Variants in MTIF2 observed in about 807,000 individuals in gnomAD.
The protein encoded by MTIF2 is translation initiation factor IF-2, mitochondrial.
In MTIF2, 71 loss-of-function variants were observed where a neutral mutation model predicts 83.5. The observed-to-expected ratio is 0.85, with a 90% CI of 0.70 to 1.04. MTIF2 has a LOEUF of 1.04. MTIF2 is among the 50% of genes least tolerant of loss of function. The probability of loss-of-function intolerance (pLI) is 0.00; values close to 1 mark genes in which losing one functional copy is unlikely to be tolerated. For synonymous variants in MTIF2, 319 were observed against 287.1 expected, an observed-to-expected ratio of 1.11 and a Z score of -1.12; for missense variants, 957 against 846.5, an observed-to-expected ratio of 1.13 and a Z score of -1.62.
chr2:55,263,558 TGA>T, intron 4 of MTIF2, 80 bp downstream of exon 4: 1 of 1,083,136 alleles, frequency 9.2e-7, no homozygotes, highest in Non-Finnish European at 1.3e-6. Context: ...TGCGGTGAGC[TGA>T]GATCGCGCCA....
intron 5 of MTIF2, among the ~76,000 whole-genome samples, chr2:55,255,946 G>A (rs773612760): frequency 4.0e-5 from 6 of 151,736 alleles, no homozygotes; most frequent in East Asian, 3.9e-4. Context: ...GGGCAATCTC[G>A]GCTAGCTGCA....
chr2:55,247,983 C>A (rs1328801112), intron 9 of MTIF2, among the ~76,000 whole-genome samples: 1 of 152,128 alleles, frequency 6.6e-6, no homozygotes, highest in South Asian at 2.1e-4. Flanking sequence ...CTCTGCCTCC[C>A]TGGCTCAAGT....
intron 10 of MTIF2, among the ~76,000 whole-genome samples, chr2:55,245,731 AG>A (rs1676647384): frequency 7.0e-6 from 1 of 142,786 alleles, no homozygotes; most frequent in South Asian, 2.3e-4. Context: ...ATGGGATGTT[AG>A]GTGTTTCTTA....
chr2:55,236,794 T>C lies in MTIF2; in HGVS notation c.2038A>G (p.Lys680Glu), dbSNP rs776497065. 1.2e-6 allele frequency: 2 copies of C among 1,606,604 alleles called. No homozygotes were observed. The highest frequency in any genetic ancestry group is 2.2e-5 in the South Asian group (2 of 89,038). Residue 680 changes from lysine (K) to glutamate (E), a missense_variant, in exon 16 of 16, where the codon AAA (lysine) becomes GAA (glutamate). By Grantham distance (56) the Lys-to-Glu change is moderately conservative. Coordinates refer to ENST00000263629, the MANE Select transcript of MTIF2 (RefSeq NM_002453.3). ...GTTTTGACAATTGAAATGTCATCTT[T>C]ATGGTGTTTCAATGAGGTTAATGAG... ...KGSLTSLKHH[K>E]DDISIVKTGM... is the part of the protein sequence containing the mutation.
Position 55,240,156 on chromosome 2 carries a change from A to G in MTIF2, c.1725T>C (p.Asn575=), listed in dbSNP as rs1488464606. 3.7e-5 allele frequency: 59 copies of G among 1,613,500 alleles called. No individual in the cohort carries two copies. In the Admixed American group the frequency reaches 6.5e-4, roughly 18 times the overall value. The part of the protein sequence containing the change: ...ETFDGVIYGF[N]VNAGNVIQQS... ...GTTGGATAACATTGCCTGCATTCAC[A>G]TTAAAGCCATATATAACACCTAGCA... Residue 575 remains asparagine (N), a synonymous_variant, in exon 14 of 16, where the codon AAT becomes AAC. Transcript: ENST00000263629.
Position 55,254,765 on chromosome 2 carries a change from G to A in MTIF2, c.392C>T (p.Ser131Leu), listed in dbSNP as rs1677383972. Reference protein sequence around the residue: ...DIDIDSLEADSHLDEVWIKEV... With the variant: ...DIDIDSLEADLHLDEVWIKEV... ...TTTGATCCAGACTTCATCTAAATGT[G>A]AGTCTGCTTCCAGTGAATCTATGTC... Residue 131 changes from serine (S) to leucine (L), a missense_variant, in exon 6 of 16, where the codon TCA becomes TTA. Physicochemically the swap from Ser to Leu is moderately radical, Grantham distance 145. Coordinates refer to ENST00000263629, the MANE Select transcript of MTIF2 (RefSeq NM_002453.3). 1 of 1,609,504 alleles carries A rather than the reference G, an allele frequency of 6.2e-7. No individual in the cohort carries two copies. Among genetic ancestry groups the A allele is most frequent in the Non-Finnish European group, 8.5e-7 (1 of 1,177,810 alleles).
intron 14 of MTIF2, among the ~76,000 whole-genome samples, chr2:55,239,251 T>C (rs1054449035): frequency 1.3e-5 from 2 of 151,838 alleles, no homozygotes; most frequent in Admixed American, 1.3e-4. Flanking sequence ...ATTAGTTCTG[T>C]AGTTTTATAA....
At chr2:55,242,684 A>T (rs2576719) in intron 13 of MTIF2, among the ~76,000 whole-genome samples, 105,383 of 150,986 alleles carry the variant, frequency 0.7, 37,970 homozygotes, top group Non-Finnish European at 0.79. Context: ...GGTGCTTTTA[A>T]AAAAAAAAGA....
At chr2:55,246,007 A>G (rs533317282) in intron 10 of MTIF2, among the ~76,000 whole-genome samples, 1 of 152,316 alleles carries the variant, frequency 6.6e-6, no homozygotes, top group South Asian at 2.1e-4. Flanking sequence ...AAATGCAACC[A>G]TTGGTATTTC....
At chr2:55,252,448 G>C (rs1558566752) in intron 8 of MTIF2, 29 bp downstream of exon 8, 1 of 1,598,900 alleles carries the variant, frequency 6.3e-7, no homozygotes, top group Non-Finnish European at 8.6e-7. Flanking sequence ...ACTTTATGTA[G>C]TAGATCCATT....
chr2:55,262,590 TGGA>T (rs1290913935), intron 4 of MTIF2, among the ~76,000 whole-genome samples, 163 bp from the exon 5 acceptor site: 8 of 140,452 alleles, frequency 5.7e-5, no homozygotes, highest in Non-Finnish European at 1.1e-4. Flanking sequence ...TCACCCAGGC[TGGA>T]GTGCAGTTGC....
At chr2:55,245,861 T>C (rs748175983) in intron 10 of MTIF2, among the ~76,000 whole-genome samples, 1 of 152,202 alleles carries the variant, frequency 6.6e-6, no homozygotes, top group Non-Finnish European at 1.5e-5. Flanking sequence ...AGCTAAGGGA[T>C]TACTCAGTTG....
At chr2:55,262,477 T>C (rs981471917) in intron 4 of MTIF2, 50 bp from the exon 5 acceptor site, 12 of 1,198,338 alleles carry the variant, frequency 1.0e-5, no homozygotes, top group Non-Finnish European at 1.3e-5. Context: ...AAAACTTAAG[T>C]GACAATTTAG....
intron 14 of MTIF2, among the ~76,000 whole-genome samples, chr2:55,238,477 C>T (rs546256724): frequency 2.3e-4 from 34 of 150,750 alleles, no homozygotes; most frequent in Middle Eastern, 3.5e-3. Flanking sequence ...CAGCAAACTC[C>T]GCCTCCTGGG....
Position 55,254,288 on chromosome 2 carries a change from C to A in MTIF2, c.504-87G>T, listed in dbSNP as rs1019622211. ...ATTGGTTCACATTTATCCCTGTGAA[C>A]TACCATTAACAATAAAACCCAATAT... On this transcript the variant is annotated intron_variant, in intron 6 of 15. Coordinates refer to ENST00000263629, the MANE Select transcript of MTIF2 (RefSeq NM_002453.3). 1.8e-5 allele frequency: 25 copies of A among 1,414,148 alleles called. No homozygotes were observed. The African/African-American group carries it at 3.2e-4, about 18-fold the overall frequency. The allele number at this position is 1,414,148 out of a possible 1,614,324, so 87.6% of individuals were successfully genotyped here.
intron 4 of MTIF2, 30 bp downstream of exon 4, chr2:55,263,610 A>C (rs1325955767): frequency 9.1e-6 from 2 of 219,832 alleles, no homozygotes; most frequent in Non-Finnish European, 1.6e-5. Context: ...ACTCCATCTC[A>C]AAAAAAAAAA....
At chr2:55,241,581 G>A (rs543760464) in intron 13 of MTIF2, among the ~76,000 whole-genome samples, 1 of 152,104 alleles carries the variant, frequency 6.6e-6, no homozygotes, top group Non-Finnish European at 1.5e-5. Context: ...AGTGGCTCAC[G>A]CCTGTAATCC....
In MTIF2 at chr2:55,252,629, A is replaced by C. The variant is rs201059519; in HGVS notation, c.689T>G (p.Ile230Arg). The C allele has an allele frequency of 1.9e-6, 3 of 1,613,440 alleles. No individual in the cohort carries two copies. In the South Asian group the frequency reaches 3.3e-5, roughly 18 times the overall value. Residue 230 changes from isoleucine to arginine, a missense_variant, in exon 8 of 16, where the codon ATA becomes AGA. Ile to Arg is a moderately conservative substitution (Grantham distance 97). Coordinates refer to ENST00000263629, the MANE Select transcript of MTIF2 (RefSeq NM_002453.3). ...ATGTCCTGGAGTATCAAGAAAAGTTATCTTTTCCCCAGAAGGCAGAGAGAC... is the reference window on the plus strand; with the variant it reads ...ATGTCCTGGAGTATCAAGAAAAGTTCTCTTTTCCCCAGAAGGCAGAGAGAC... ...FLVSLPSGEKITFLDTPGHAA... is the reference protein window; with the variant it reads ...FLVSLPSGEKRTFLDTPGHAA...
intron 7 of MTIF2, among the ~76,000 whole-genome samples, chr2:55,253,786 G>A (rs1282842929): frequency 1.9e-5 from 2 of 104,754 alleles, no homozygotes; most frequent in Admixed American, 2.1e-4. Context: ...CTGCACTCCA[G>A]CCTGGGTGAC....
Sources: allele counts gnomAD v4.1 joint callset (sites outside exome capture counted in the v4.1 genomes callset), GRCh38; gene constraint gnomAD v4.1.1; transcripts MANE v1.5; gene names NCBI Gene and HGNC (gene_info 2026-07-23, HGNC 2026-07-21).